Variants in ZBTB7C observed in about 807,000 individuals in gnomAD.
ZBTB7C encodes the protein zinc finger and BTB domain-containing protein 7C.
A neutral mutation model predicts 25.7 loss-of-function variants in ZBTB7C; 8 were observed. The observed-to-expected ratio is 0.31, with a 90% confidence interval of 0.18 to 0.56. The LOEUF (loss-of-function observed/expected upper bound fraction) is 0.56. Among genes scored for constraint, ZBTB7C ranks in the 20% least tolerant of loss-of-function variants. The probability of loss-of-function intolerance (pLI) is 0.91; values close to 1 mark genes in which losing one functional copy is unlikely to be tolerated. For synonymous variants in ZBTB7C, 394 were observed against 369.0 expected, an observed-to-expected ratio of 1.07 and a Z score of -0.78; for missense variants, 824 against 855.2, an observed-to-expected ratio of 0.96 and a Z score of 0.46.
chr18:48,036,714 G>C (rs1207142631), intron 4 of ZBTB7C, among the ~76,000 whole-genome samples: 1 of 152,192 alleles, frequency 6.6e-6, no homozygotes. Context: ...TTGGAAGGGA[G>C]TCTGGGAATT....
intron 3 of ZBTB7C, among the ~76,000 whole-genome samples, chr18:48,177,888 G>A (rs750091545): frequency 1.8e-4 from 27 of 152,156 alleles, no homozygotes; most frequent in Non-Finnish European, 3.1e-4. Context: ...GAGTTGGGGT[G>A]TTTAATGCCT....
At chr18:48,365,337 C>G (rs752260786) in intron 1 of ZBTB7C, among the ~76,000 whole-genome samples, 1 of 152,142 alleles carries the variant, frequency 6.6e-6, no homozygotes, top group Non-Finnish European at 1.5e-5. Context: ...GGGGAACATA[C>G]CTTTGATAAA....
chr18:48,304,772 T>G (rs1430840522), intron 2 of ZBTB7C, among the ~76,000 whole-genome samples: 1 of 124,936 alleles, frequency 8.0e-6, no homozygotes, highest in East Asian at 2.4e-4. Flanking sequence ...ACTTGGGAGG[T>G]GGAGGTTGCA....
At chr18:48,383,324 G>A (rs530756906) in intron 1 of ZBTB7C, among the ~76,000 whole-genome samples, 130 of 152,270 alleles carry the variant, frequency 8.5e-4, no homozygotes, top group Non-Finnish European at 1.5e-3. Context: ...GGAGTGCAGT[G>A]GCGCGAACTC....
chr18:48,192,777 T>C (rs2042226373), intron 2 of ZBTB7C, among the ~76,000 whole-genome samples: 1 of 152,224 alleles, frequency 6.6e-6, no homozygotes, highest in Non-Finnish European at 1.5e-5. Flanking sequence ...TGGACTTTAG[T>C]TCATAACAAT....
At chr18:48,401,179 A>C (rs2145312151) in intron 1 of ZBTB7C, among the ~76,000 whole-genome samples, 1 of 152,304 alleles carries the variant, frequency 6.6e-6, no homozygotes, top group Middle Eastern at 3.4e-3. Context: ...TTATTCCCTG[A>C]GATAGGGTAG....
At chr18:48,066,584 C>T (rs189534843) in intron 3 of ZBTB7C, among the ~76,000 whole-genome samples, 9 of 152,244 alleles carry the variant, frequency 5.9e-5, no homozygotes, top group Admixed American at 1.3e-4. Flanking sequence ...GAGTTGGCAG[C>T]CACTGGGAGG....
chr18:48,192,532 T>C (rs2042221032), intron 2 of ZBTB7C, among the ~76,000 whole-genome samples: 1 of 152,194 alleles, frequency 6.6e-6, no homozygotes, highest in Non-Finnish European at 1.5e-5. Flanking sequence ...GGTGCGATCT[T>C]GGCTCACTGC....
At chr18:48,304,416 C>T (rs2045619104) in intron 2 of ZBTB7C, among the ~76,000 whole-genome samples, 1 of 152,194 alleles carries the variant, frequency 6.6e-6, no homozygotes, top group Non-Finnish European at 1.5e-5. Context: ...TGGCTCATGC[C>T]TGTAATCCTA....
intron 3 of ZBTB7C, chr18:48,150,413 C>T (rs2040638547): frequency 6.6e-6 from 1 of 152,020 alleles, no homozygotes; most frequent in Non-Finnish European, 1.5e-5. Context: ...AAAACTCTGT[C>T]TCTACTAAAA....
Position 48,040,378 on chromosome 18 carries a change from T to G in ZBTB7C, c.730A>C (p.Arg244=). The G allele has an allele frequency of 2.5e-6, 4 of 1,611,932 alleles. No individual in the cohort carries two copies. In the African/African-American group the frequency reaches 4.0e-5, roughly 16 times the overall value. The part of the protein sequence containing the change: ...NLYPKANIPD[R]RPSLSPFAPD... ...GCGAATGGAGACAAGGAGGGTCTCCTGTCGGGGATGTTGGCCTTGGGGTAC... is the reference window on the plus strand; with the variant it reads ...GCGAATGGAGACAAGGAGGGTCTCCGGTCGGGGATGTTGGCCTTGGGGTAC... Residue 244 remains arginine (R), a synonymous_variant, in exon 4 of 5, where the codon AGG becomes CGG. Coordinates refer to ENST00000590800, the MANE Select transcript of ZBTB7C (RefSeq NM_001318841.2).
In ZBTB7C at chr18:48,029,296, G is replaced by A. The variant is rs1477586173; in HGVS notation, c.1824C>T (p.Leu608=). The A allele has an allele frequency of 6.5e-7, 1 of 1,538,078 alleles. No homozygotes were observed. The highest frequency in any genetic ancestry group is 8.7e-7 in the Non-Finnish European group (1 of 1,148,568). ...GLAGLPGLAG[L]NHVASMSEAN... ...CTTCGGACATGGAGGCCACGTGGTT[G>A]AGGCCGGCGAGCCCAGGGAGGCCGG... Residue 608 remains leucine, a synonymous_variant, in exon 5 of 5, where the codon CTC becomes CTT. Transcript: ENST00000590800.
At chr18:48,368,404 C>A (rs2047304657) in intron 1 of ZBTB7C, among the ~76,000 whole-genome samples, 1 of 151,924 alleles carries the variant, frequency 6.6e-6, no homozygotes, top group South Asian at 2.1e-4. Context: ...GTTACTCAAT[C>A]TGAAAAATGA....
chr18:48,106,360 A>G (rs2039027521), intron 3 of ZBTB7C, among the ~76,000 whole-genome samples: 1 of 151,256 alleles, frequency 6.6e-6, no homozygotes, highest in Admixed American at 6.6e-5. Context: ...AAAAAAAAAG[A>G]AAAAGGCAAT....
Position 48,243,004 on chromosome 18 carries a change from C to T in ZBTB7C, c.-78-57009G>A, listed in dbSNP as rs138387023. Among the ~76,000 whole-genome samples, 7 of 152,030 alleles carry T rather than the reference C, an allele frequency of 4.6e-5. No individual in the cohort carries two copies. The East Asian group carries it at 1.4e-3, about 29-fold the overall frequency. On this transcript the variant is annotated intron_variant, in intron 2 of 4. Coordinates refer to ENST00000590800, the MANE Select transcript of ZBTB7C (RefSeq NM_001318841.2). Reference sequence around the variant, plus strand: ...TCTGGCTGGGTGTGGTGGCTCATGCCCATAATCCTAACAATTTGGGAGGCC... The same window carrying T: ...TCTGGCTGGGTGTGGTGGCTCATGCTCATAATCCTAACAATTTGGGAGGCC...
chr18:48,227,198 G>A (rs866848555), intron 2 of ZBTB7C, among the ~76,000 whole-genome samples: 1 of 152,294 alleles, frequency 6.6e-6, no homozygotes, highest in South Asian at 2.1e-4. Flanking sequence ...AAGCATCCAC[G>A]AACTGAAAGG....
chr18:48,390,707 G>A (rs547165973), intron 1 of ZBTB7C, among the ~76,000 whole-genome samples: 19 of 152,246 alleles, frequency 1.2e-4, no homozygotes, highest in African/African-American at 2.6e-4. Context: ...TCCCAGCATC[G>A]CCAAGGTGTG....
At chr18:48,379,984 C>T (rs1282604639) in intron 1 of ZBTB7C, among the ~76,000 whole-genome samples, 1 of 152,084 alleles carries the variant, frequency 6.6e-6, no homozygotes, top group African/African-American at 2.4e-5. Context: ...GATACTGTAA[C>T]AGTGAATATA....
chr18:48,348,678 G>T (rs535740778), intron 1 of ZBTB7C, among the ~76,000 whole-genome samples: 1 of 152,346 alleles, frequency 6.6e-6, no homozygotes, highest in South Asian at 2.1e-4. Flanking sequence ...TTAGCTAGGC[G>T]TGGTGGCACA....
Sources: allele counts gnomAD v4.1 joint callset (sites outside exome capture counted in the v4.1 genomes callset), GRCh38; gene constraint gnomAD v4.1.1; transcripts MANE v1.5; gene names NCBI Gene and HGNC (gene_info 2026-07-23, HGNC 2026-07-21).